Variants in VPS13B observed in about 807,000 individuals in gnomAD.
The protein encoded by VPS13B is vacuolar protein sorting 13 homolog B, also known as intermembrane lipid transfer protein VPS13B.
Under a neutral mutation model 426.4 loss-of-function variants are expected in VPS13B, and 285 were observed. The observed-to-expected ratio is 0.67, with a 90% CI of 0.61 to 0.74. VPS13B has a LOEUF of 0.74. Among genes scored for constraint, VPS13B ranks in the 30% least tolerant of loss-of-function variants. VPS13B has a pLI of 0.00. For synonymous variants in VPS13B, 1,676 were observed against 1,676.4 expected (o/e 1.00, Z 0.01); for missense variants, 4,537 against 4,782.6 (o/e 0.95, Z 1.51).
intron 16 of VPS13B, among the ~76,000 whole-genome samples, chr8:99,181,330 A>G (rs1485929675): frequency 2.0e-5 from 3 of 152,200 alleles, no homozygotes; most frequent in Non-Finnish European, 4.4e-5. Flanking sequence ...ATATGCTTGC[A>G]CAGGTAAAAA....
chr8:99,135,272 T>G (rs1810014222), intron 10 of VPS13B, 135 bp downstream of exon 10: 1 of 1,340,038 alleles, frequency 7.5e-7, no homozygotes, highest in African/African-American at 1.5e-5. Context: ...TATTTCTCCC[T>G]GTGTTTCACC....
At chr8:99,257,240 A>G (rs1448805436) in intron 17 of VPS13B, among the ~76,000 whole-genome samples, 4 of 152,178 alleles carry the variant, frequency 2.6e-5, no homozygotes, top group African/African-American at 9.7e-5. Flanking sequence ...TAAGTGAGAA[A>G]CAGGTTAGAG....
Position 99,511,234 on chromosome 8 carries a change from T to C in VPS13B, c.4355T>C (p.Leu1452Ser). The C allele has an allele frequency of 6.2e-7, 1 of 1,614,152 alleles. No individual in the cohort carries two copies. The highest frequency in any genetic ancestry group is 1.7e-5 in the Admixed American group (1 of 60,026). ...AATGAGCGAAGAAGTTTTCATAAGT[T>C]ATCTGAAGGCCTAATGGATGGTTCT... ...SRNERRSFHK[L>S]SEGLMDGSPH... Residue 1452 changes from leucine (L) to serine (S), a missense_variant, in exon 29 of 62, where the codon TTA (leucine) becomes TCA (serine). Physicochemically the swap from Leu to Ser is moderately radical, Grantham distance 145. Transcript: ENST00000357162.
At chr8:99,183,521 CAGTA>C (rs2132701664) in intron 16 of VPS13B, among the ~76,000 whole-genome samples, 1 of 152,230 alleles carries the variant, frequency 6.6e-6, no homozygotes, top group African/African-American at 2.4e-5. Context: ...ATTAAGTTCT[CAGTA>C]AGCACAGAGT....
intron 44 of VPS13B, among the ~76,000 whole-genome samples, chr8:99,812,403 C>A (rs973383718): frequency 2.0e-5 from 3 of 152,150 alleles, no homozygotes; most frequent in Non-Finnish European, 1.5e-5. Flanking sequence ...TCCTTCTACC[C>A]CACCTGGGCC....
At chr8:99,727,355 A>G (rs1833393035) in intron 39 of VPS13B, among the ~76,000 whole-genome samples, 1 of 152,240 alleles carries the variant, frequency 6.6e-6, no homozygotes, top group South Asian at 2.1e-4. Flanking sequence ...TAAGTCAATA[A>G]AAAGACTGCC....
intron 23 of VPS13B, among the ~76,000 whole-genome samples, chr8:99,454,044 ACTGATATTTTCC>A (rs1818330823): frequency 6.6e-6 from 1 of 152,158 alleles, no homozygotes; most frequent in Non-Finnish European, 1.5e-5. Context: ...CCTTGCAAAC[ACTGATATTTTCC>A]CTGTCTCCAT....
intron 5 of VPS13B, among the ~76,000 whole-genome samples, chr8:99,106,643 A>G (rs574309897): frequency 6.6e-6 from 1 of 152,174 alleles, no homozygotes; most frequent in Admixed American, 6.5e-5. Flanking sequence ...GACATCTGAC[A>G]CCATAGTAGG....
At chr8:99,337,044 C>G (rs1810928915) in intron 19 of VPS13B, among the ~76,000 whole-genome samples, 1 of 152,110 alleles carries the variant, frequency 6.6e-6, no homozygotes, top group Admixed American at 6.5e-5. Context: ...AATCATGCTG[C>G]TATAGAGACA....
At chr8:99,361,443 T>C (rs779663895) in intron 19 of VPS13B, among the ~76,000 whole-genome samples, 7 of 152,220 alleles carry the variant, frequency 4.6e-5, no homozygotes, top group Non-Finnish European at 8.8e-5. Flanking sequence ...CCTGCTGTTT[T>C]AGCAGGAAAT....
At chr8:99,412,787 T>G (rs1486455445) in intron 21 of VPS13B, among the ~76,000 whole-genome samples, 1 of 152,212 alleles carries the variant, frequency 6.6e-6, no homozygotes, top group Non-Finnish European at 1.5e-5. Flanking sequence ...TGAAGGGGTG[T>G]TGAATTTTAT....
intron 19 of VPS13B, among the ~76,000 whole-genome samples, chr8:99,342,992 A>G (rs1306430873): frequency 6.6e-6 from 1 of 151,506 alleles, no homozygotes; most frequent in Non-Finnish European, 1.5e-5. Context: ...TTCCCTATTG[A>G]TTAGTGATGC....
chr8:99,105,056 T>C (rs1846970683), intron 5 of VPS13B, among the ~76,000 whole-genome samples: 1 of 152,218 alleles, frequency 6.6e-6, no homozygotes, highest in African/African-American at 2.4e-5. Context: ...GTATTTAACT[T>C]GCCTGATTAA....
At chr8:99,086,227 A>G (rs1845782763) in intron 3 of VPS13B, among the ~76,000 whole-genome samples, 1 of 152,088 alleles carries the variant, frequency 6.6e-6, no homozygotes, top group Non-Finnish European at 1.5e-5. Flanking sequence ...CATCACTGAT[A>G]CCCTTTCTTC....
intron 19 of VPS13B, among the ~76,000 whole-genome samples, chr8:99,355,383 G>A (rs922619441): frequency 1.3e-5 from 2 of 152,122 alleles, no homozygotes; most frequent in Admixed American, 1.3e-4. Flanking sequence ...ATGAGGTCAA[G>A]AGATCGAGAC....
rs762989966 is a variant in VPS13B at position 99,143,077 on chromosome 8, T to A, written c.1755T>A (p.Arg585=). 1 of 1,614,052 alleles carries A rather than the reference T, an allele frequency of 6.2e-7. No individual in the cohort carries two copies. The highest frequency in any genetic ancestry group is 2.2e-5 in the East Asian group (1 of 44,840). The change falls in exon 13 of 62, where the codon CGT becomes CGA. Residue 585 remains arginine (R), a synonymous_variant. Transcript: ENST00000357162. ...TTGTTATAGGTCCTCTTGATTTTCGTTTGGATAGCAGTGCGGTGCATAGGA... is the reference window on the plus strand; with the variant it reads ...TTGTTATAGGTCCTCTTGATTTTCGATTGGATAGCAGTGCGGTGCATAGGA... ...KSLVIGPLDF[R]LDSSAVHRIL...
At chr8:99,864,846 C>T (rs1817012094) in intron 58 of VPS13B, among the ~76,000 whole-genome samples, 1 of 152,142 alleles carries the variant, frequency 6.6e-6, no homozygotes, top group African/African-American at 2.4e-5. Flanking sequence ...TCCACCATGT[C>T]GCCTACCCCT....
chr8:99,661,618 G>A, intron 35 of VPS13B, 127 bp downstream of exon 35: 2 of 1,207,562 alleles, frequency 1.7e-6, no homozygotes, highest in Non-Finnish European at 2.3e-6. Context: ...TCCCAGAGGT[G>A]TATGCTTTTC....
chr8:99,428,673 A>G (rs1436988895), intron 21 of VPS13B, among the ~76,000 whole-genome samples: 1 of 152,100 alleles, frequency 6.6e-6, no homozygotes, highest in Admixed American at 6.5e-5. Context: ...ACACTTTTAC[A>G]CTGTTGGTGG....
Sources: allele counts gnomAD v4.1 joint callset (sites outside exome capture counted in the v4.1 genomes callset), GRCh38; gene constraint gnomAD v4.1.1; transcripts MANE v1.5; gene names NCBI Gene and HGNC (gene_info 2026-07-23, HGNC 2026-07-21).